PGR: variants seen among roughly 807,000 people sequenced by gnomAD.
PGR encodes progesterone receptor.
A neutral mutation model predicts 76.1 loss-of-function variants in PGR; 25 were observed. The ratio of observed to expected loss-of-function variants is 0.33; its 90% confidence interval spans 0.24 to 0.46. The LOEUF is 0.46. PGR is among the 20% of genes least tolerant of loss of function. PGR has a pLI of 1.00. For synonymous variants in PGR, 579 were observed against 535.0 expected (o/e 1.08, Z -1.14); for missense variants, 1,172 against 1,225.3 (o/e 0.96, Z 0.65).
chr11:101,036,395 CA>C lies in PGR; in HGVS notation c.*2720del, dbSNP rs1236949948. On this transcript the variant is annotated 3_prime_UTR_variant, in exon 8 of 8. Transcript: ENST00000325455. ...TCAAATGGCTTTTCAAACCTTTTTA[CA>C]GAAAATATTTTCATTAACTCAAGAA... 4.9e-6 allele frequency: 1 copy of C among 204,682 alleles called. No individual in the cohort carries two copies. The highest frequency in any genetic ancestry group is 1.0e-5 in the Non-Finnish European group (1 of 100,066). The allele number at this position is 204,682 out of a possible 1,614,324, so 12.7% of individuals were successfully genotyped here.
At chr11:101,043,037 G>A (rs1859745345) in intron 6 of PGR, among the ~76,000 whole-genome samples, 1 of 152,094 alleles carries the variant, frequency 6.6e-6, no homozygotes, top group Admixed American at 6.6e-5. Context: ...TCAAAATAAG[G>A]CAACAATGAA....
intron 3 of PGR, among the ~76,000 whole-genome samples, chr11:101,081,398 C>A (rs2135440061): frequency 6.6e-6 from 1 of 151,418 alleles, no homozygotes; most frequent in East Asian, 1.9e-4. Context: ...CACTGCACTC[C>A]AGCCTGTGTG....
At chr11:101,094,173 C>A (rs949893633) in intron 2 of PGR, among the ~76,000 whole-genome samples, 3 of 152,228 alleles carry the variant, frequency 2.0e-5, no homozygotes, top group African/African-American at 7.2e-5. Context: ...TAGATTCTCC[C>A]TGAATACATT....
Position 101,128,971 on chromosome 11 carries a change from C to A in PGR, c.100G>T (p.Gly34Cys), listed in dbSNP as rs757691518. Residue 34 changes from glycine (G) to cysteine (C), a missense_variant, in exon 1 of 8, where the codon GGT becomes TGT. By Grantham distance (159) the Gly-to-Cys change is radical. This residue lies in a region of PGR where 893 missense variants were observed against 785.9 expected (regional missense o/e 1.14). Coordinates refer to ENST00000325455, the MANE Select transcript of PGR (RefSeq NM_000926.4). The stretch of plus-strand genomic sequence containing the variant: ...GAGGTCTGGCTCCCCGGGAACGGAC[C>A]TGCGGCTGGGCGACACAGCAGTGGG... Reference protein sequence around the residue: ...GSPLLCRPAAGPFPGSQTSDT... With the variant: ...GSPLLCRPAACPFPGSQTSDT... 6.2e-7 allele frequency: 1 copy of A among 1,602,780 alleles called. No homozygotes were observed.
chr11:101,055,244 C>G (rs1053689379), intron 4 of PGR, among the ~76,000 whole-genome samples: 1 of 151,718 alleles, frequency 6.6e-6, no homozygotes, highest in East Asian at 1.9e-4. Flanking sequence ...AAAACCCTGT[C>G]TCTACTAAAA....
At chr11:101,085,123 A>G (rs1192159100) in intron 3 of PGR, among the ~76,000 whole-genome samples, 2 of 152,178 alleles carry the variant, frequency 1.3e-5, no homozygotes, top group Non-Finnish European at 2.9e-5. Flanking sequence ...CCCATCAACC[A>G]CAGAACGTAA....
chr11:101,043,519 G>A (rs570138077), intron 6 of PGR, among the ~76,000 whole-genome samples: 3 of 152,162 alleles, frequency 2.0e-5, no homozygotes, highest in South Asian at 2.1e-4. Flanking sequence ...CATGAATCAC[G>A]AATGTTCTTA....
intron 2 of PGR, among the ~76,000 whole-genome samples, chr11:101,107,865 T>TTAAAAAAAAAAA (rs1328002925): frequency 8.4e-6 from 1 of 119,290 alleles, no homozygotes; most frequent in Non-Finnish European, 1.7e-5. Context: ...ACTGGCTTTG[T>TTAAAAAAAAAAA]AAAAAAAAAA....
intron 3 of PGR, among the ~76,000 whole-genome samples, chr11:101,070,470 ACAGAACCATTCACTC>A (rs1306466526): frequency 6.6e-6 from 1 of 152,082 alleles, no homozygotes; most frequent in Non-Finnish European, 1.5e-5. Context: ...TGCCAGTGAG[ACAGAACCATTCACTC>A]CCCTGGAAGG....
intron 2 of PGR, among the ~76,000 whole-genome samples, chr11:101,121,490 G>C (rs1232878400): frequency 6.6e-6 from 1 of 152,168 alleles, no homozygotes; most frequent in Non-Finnish European, 1.5e-5. Flanking sequence ...ATGACACCAA[G>C]TATACCCAAC....
rs948706047 is a variant in PGR, at chr11:101,129,464, A to G, written c.-394T>C. 3.9e-6 allele frequency: 1 copy of G among 254,950 alleles called. No individual in the cohort carries two copies. Among genetic ancestry groups the G allele is most frequent in the African/African-American group, 2.2e-5 (1 of 45,822 alleles). The allele number at this position is 254,950 out of a possible 1,614,324, so 15.8% of individuals were successfully genotyped here. ...TTGAGTGGCTGCGGCTGCGACGGCAATTTAGTGACACGCGGCTCCTTTATC... is the reference window on the plus strand; with the variant it reads ...TTGAGTGGCTGCGGCTGCGACGGCAGTTTAGTGACACGCGGCTCCTTTATC... On this transcript the variant is annotated 5_prime_UTR_variant, in exon 1 of 8. Transcript: ENST00000325455.
rs192769011 is a variant in PGR, at chr11:101,092,269, C to T, written c.1790-393G>A. On this transcript the variant is annotated intron_variant, in intron 2 of 7. Coordinates refer to ENST00000325455, the MANE Select transcript of PGR (RefSeq NM_000926.4). ...AAAACCTTTCTTTCTGACATTGATG[C>T]CTTCAAGAAAACAGATACAGACTAA... Among the ~76,000 whole-genome samples the T allele has an allele frequency of 3.3e-5, 5 of 152,216 alleles. 1 individual carries two copies. Among genetic ancestry groups the T allele is most frequent in the Middle Eastern group, 6.8e-3 (2 of 294 alleles).
At chr11:101,122,304 G>A (rs1862705206) in intron 2 of PGR, among the ~76,000 whole-genome samples, 3 of 152,158 alleles carry the variant, frequency 2.0e-5, no homozygotes, top group Admixed American at 2.0e-4. Context: ...AACAAATGCT[G>A]TCACTGAGTA....
rs192510348 is a variant in PGR, at chr11:101,064,930, T to A, written c.1907-2178A>T. On this transcript the variant is annotated intron_variant, in intron 3 of 7. Transcript: ENST00000325455. The stretch of plus-strand genomic sequence containing the variant: ...ATTGCATTACAGTTGCCTACAAAAT[T>A]CAACAGAGTAACATGCTGTATCGGT... Among the ~76,000 whole-genome samples the A allele has an allele frequency of 2.6e-5, 4 of 151,780 alleles. No homozygotes were observed. The East Asian group carries it at 7.7e-4, about 29-fold the overall frequency.
In PGR at chr11:101,127,912, T is replaced by C; in HGVS notation, c.1159A>G (p.Ile387Val). The C allele has an allele frequency of 1.9e-6, 3 of 1,609,686 alleles. No homozygotes were observed. The South Asian group carries it at 3.3e-5, about 18-fold the overall frequency. ...TCCGCGCCTTCCTCCTCCTCCTTTA[T>C]CTTTAGAGCGGGCGGCTGGAAGTCG... ...YSDFQPPALK[I>V]KEEEEGAEAS... Residue 387 changes from isoleucine (I) to valine (V), a missense_variant, in exon 1 of 8, where the codon ATA becomes GTA. This residue lies in a region of PGR where 893 missense variants were observed against 785.9 expected (regional missense o/e 1.14). Transcript: ENST00000325455.
intron 6 of PGR, among the ~76,000 whole-genome samples, chr11:101,046,472 C>A (rs946891948): frequency 3.3e-5 from 5 of 151,444 alleles, no homozygotes; most frequent in African/African-American, 1.2e-4. Context: ...TTGGAGAGAA[C>A]AATGTAAAAA....
chr11:101,126,685 C>A (rs1287145455), intron 1 of PGR, among the ~76,000 whole-genome samples: 1 of 152,184 alleles, frequency 6.6e-6, no homozygotes, highest in African/African-American at 2.4e-5. Context: ...CTATTCACAA[C>A]ATAAGATTCC....
At chr11:101,045,781 A>G (rs2135385488) in intron 6 of PGR, among the ~76,000 whole-genome samples, 1 of 152,178 alleles carries the variant, frequency 6.6e-6, no homozygotes, top group South Asian at 2.1e-4. Context: ...TATCTTTGCT[A>G]TAGTGAATAC....
chr11:101,074,051 G>C (rs1861036735), intron 3 of PGR, among the ~76,000 whole-genome samples: 1 of 152,146 alleles, frequency 6.6e-6, no homozygotes, highest in Non-Finnish European at 1.5e-5. Context: ...CAATATCCCT[G>C]ATGAATATTG....
Sources: allele counts gnomAD v4.1 joint callset (sites outside exome capture counted in the v4.1 genomes callset), GRCh38; gene constraint gnomAD v4.1.1; regional missense constraint gnomAD v4.1.1; transcripts MANE v1.5; gene names NCBI Gene and HGNC (gene_info 2026-07-23, HGNC 2026-07-21).